CHRNB3: variants seen among roughly 807,000 people sequenced by gnomAD.
CHRNB3 encodes cholinergic receptor nicotinic beta 3 subunit.
A neutral mutation model predicts 40.6 loss-of-function variants in CHRNB3; 37 were observed. The observed-to-expected ratio is 0.91, with a 90% CI of 0.70 to 1.20. The LOEUF (loss-of-function observed/expected upper bound fraction) is 1.20. CHRNB3 is among the 50% of genes most tolerant of loss of function. CHRNB3 has a pLI of 0.00. For missense variants in CHRNB3, 505 were observed against 551.2 expected (o/e 0.92, Z 0.84); for synonymous variants, 207 against 207.1 (o/e 1.00, Z 0.00).
At chr8:42,717,230 C>T (rs1816125631) in intron 3 of CHRNB3, among the ~76,000 whole-genome samples, 2 of 140,854 alleles carry the variant, frequency 1.4e-5, no homozygotes, top group Non-Finnish European at 3.1e-5. Context: ...AAAAATTAGC[C>T]GGGCGTAGTG....
Position 42,708,838 on chromosome 8 carries a change from T to C in CHRNB3, c.174T>C (p.Phe58=). The change falls in exon 2 of 6, where the codon TTT becomes TTC. Residue 58 remains phenylalanine (F), a synonymous_variant. Coordinates refer to ENST00000289957, the MANE Select transcript of CHRNB3 (RefSeq NM_000749.5). ...LHSNDTIKVY[F]GLKISQLVDV... is the part of the protein sequence containing the mutation. ...CTAATGACACCATAAAAGTATATTT[T>C]GGATTGAAAATATCCCAGCTTGTAG... 6.2e-7 allele frequency: 1 copy of C among 1,613,620 alleles called. No individual in the cohort carries two copies. The highest frequency in any genetic ancestry group is 8.5e-7 in the Non-Finnish European group (1 of 1,179,830).
chr8:42,700,019 C>CTTTTTTTTTTTTTTTT (rs573615558), intron 1 of CHRNB3, among the ~76,000 whole-genome samples: 12 of 140,902 alleles, frequency 8.5e-5, no homozygotes, highest in African/African-American at 3.1e-4. Flanking sequence ...AATTTCTTTT[C>CTTTTTTTTTTTTTTTT]TTTTTTTTTT....
chr8:42,709,090 G>A (rs1356307134), intron 2 of CHRNB3, among the ~76,000 whole-genome samples: 1 of 152,130 alleles, frequency 6.6e-6, no homozygotes, highest in Non-Finnish European at 1.5e-5. Flanking sequence ...GGGACGATTC[G>A]CTGCGGGGAG....
intron 3 of CHRNB3, among the ~76,000 whole-genome samples, chr8:42,719,995 T>G (rs775642248): frequency 2.0e-5 from 3 of 152,048 alleles, no homozygotes; most frequent in Non-Finnish European, 4.4e-5. Flanking sequence ...CTCAAGGATC[T>G]GAAGGCAGCC....
chr8:42,712,447 C>G (rs1327072276), intron 3 of CHRNB3, among the ~76,000 whole-genome samples: 1 of 152,174 alleles, frequency 6.6e-6, no homozygotes, highest in Non-Finnish European at 1.5e-5. Context: ...ATGTCTCCCA[C>G]CCAACAACTT....
At position 42,720,111 on chromosome 8, in the gene CHRNB3, C is replaced by CT. The variant is rs869178430; in HGVS notation, c.249+9711dup. ...CAACCCTGCCCCACTCAGAAGCCTT[C>CT]TTTTTTTTTTTTTTTTTTTTTTTTT... On this transcript the variant is annotated intron_variant, in intron 3 of 5. Coordinates refer to ENST00000289957, the MANE Select transcript of CHRNB3 (RefSeq NM_000749.5). Among the ~76,000 whole-genome samples the CT allele has an allele frequency of 9.1e-3, 445 of 48,790 alleles. 87 individuals carry two copies. Among genetic ancestry groups the CT allele is most frequent in the African/African-American group, 0.016 (174 of 11,210 alleles). The allele number at this position is 48,790 out of a possible 152,430, so 32.0% of individuals were successfully genotyped here. A position where few individuals can be genotyped will look rare whatever the true frequency, so the allele number is the denominator to read the frequency against.
chr8:42,700,720 T>C (rs1341519889), intron 1 of CHRNB3, among the ~76,000 whole-genome samples: 4 of 152,186 alleles, frequency 2.6e-5, no homozygotes, highest in Non-Finnish European at 5.9e-5. Flanking sequence ...TTCATAAAAT[T>C]ATGGACAGAT....
At chr8:42,729,502 T>G (rs1030462430) in intron 3 of CHRNB3, among the ~76,000 whole-genome samples, 1 of 152,176 alleles carries the variant, frequency 6.6e-6, no homozygotes, top group Non-Finnish European at 1.5e-5. Flanking sequence ...CTTTGTTTTT[T>G]GGGGATCAAG....
At chr8:42,708,015 C>T (rs979783176) in intron 1 of CHRNB3, among the ~76,000 whole-genome samples, 20 of 152,150 alleles carry the variant, frequency 1.3e-4, no homozygotes, top group Non-Finnish European at 2.9e-4. Context: ...GGCTCAGGGA[C>T]GGAGAACAGC....
At chr8:42,708,633 G>C in intron 1 of CHRNB3, 84 bp from the exon 2 acceptor site, 1 of 1,462,664 alleles carries the variant, frequency 6.8e-7, no homozygotes, top group Non-Finnish European at 9.4e-7. Flanking sequence ...GGTGCAGGAG[G>C]CCAAGGCCAC....
At chr8:42,705,512 T>C (rs1320414299) in intron 1 of CHRNB3, 3 of 152,336 alleles carry the variant, frequency 2.0e-5, no homozygotes, top group Admixed American at 6.5e-5. Context: ...TCTCACCCCC[T>C]CTTTGCCCTT....
At chr8:42,726,152 A>G in intron 3 of CHRNB3, 1 of 1,367,324 alleles carries the variant, frequency 7.3e-7, no homozygotes, top group Non-Finnish European at 1.0e-6. Flanking sequence ...GGTGGCTTTG[A>G]GGGCTTGATA....
chr8:42,725,866 T>C (rs1816300196), intron 3 of CHRNB3: 2 of 815,596 alleles, frequency 2.5e-6, no homozygotes, highest in Non-Finnish European at 4.3e-6. Context: ...GGGGGTGACT[T>C]TTACAAAGAC....
At chr8:42,730,764 A>T in intron 4 of CHRNB3, 61 bp downstream of exon 4, 1 of 1,170,204 alleles carries the variant, frequency 8.5e-7, no homozygotes, top group South Asian at 1.5e-5. Context: ...AAAGTGAAAA[A>T]AAGGCTGGGC....
chr8:42,734,627 A>G (rs959694464), intron 5 of CHRNB3, among the ~76,000 whole-genome samples: 54 of 151,604 alleles, frequency 3.6e-4, no homozygotes, highest in South Asian at 6.3e-4. Flanking sequence ...CACTGTGTTA[A>G]CCAGGATGGT....
At chr8:42,733,592 C>CTTTTTTT (rs1208342996) in intron 5 of CHRNB3, among the ~76,000 whole-genome samples, 19 of 101,090 alleles carry the variant, frequency 1.9e-4, no homozygotes, top group Middle Eastern at 5.0e-3. Context: ...CATCCTTCTT[C>CTTTTTTT]TTTTTTTTTT....
chr8:42,702,051 CTAA>C (rs1440935090), intron 1 of CHRNB3, among the ~76,000 whole-genome samples: 5 of 152,110 alleles, frequency 3.3e-5, no homozygotes. Context: ...GATTCTCCTC[CTAA>C]TGAGTGATGA....
Position 42,697,519 on chromosome 8 carries a change from A to G in CHRNB3, c.-28A>G. 3.1e-6 allele frequency: 5 copies of G among 1,604,552 alleles called. No homozygotes were observed. In the South Asian group the frequency reaches 4.4e-5, roughly 14 times the overall value. ...AAATGCTCTGTTGTTAAAAAGGAAGAAACTGTCTTTCTGAAACTGACATCA... is the reference window on the plus strand; with the variant it reads ...AAATGCTCTGTTGTTAAAAAGGAAGGAACTGTCTTTCTGAAACTGACATCA... On this transcript the variant is annotated 5_prime_UTR_variant, in exon 1 of 6. Coordinates refer to ENST00000289957, the MANE Select transcript of CHRNB3 (RefSeq NM_000749.5).
intron 3 of CHRNB3, among the ~76,000 whole-genome samples, chr8:42,711,480 T>C (rs755079308): frequency 4.6e-5 from 7 of 151,118 alleles, no homozygotes; most frequent in Admixed American, 1.3e-4. Flanking sequence ...CTGCAACCTC[T>C]GCCTCCCAGG....
Sources: allele counts gnomAD v4.1 joint callset (sites outside exome capture counted in the v4.1 genomes callset), GRCh38; gene constraint gnomAD v4.1.1; transcripts MANE v1.5; gene names NCBI Gene and HGNC (gene_info 2026-07-23, HGNC 2026-07-21).